Variants in ZHX3 observed in about 807,000 individuals in gnomAD.
ZHX3 encodes the protein zinc fingers and homeoboxes protein 3.
Under a neutral mutation model 64.5 loss-of-function variants are expected in ZHX3, and 20 were observed. The observed-to-expected ratio is 0.31, with a 90% CI of 0.22 to 0.45. The LOEUF (loss-of-function observed/expected upper bound fraction) is 0.45, where lower values mean the gene tolerates loss of function less well. Ranked by LOEUF, ZHX3 falls within the 20% of genes least tolerant of loss-of-function variation. The pLI is 1.00. For missense variants in ZHX3, 1,041 were observed against 1,195.8 expected, an observed-to-expected ratio of 0.87 and a Z score of 1.91; for synonymous variants, 423 against 461.6, an observed-to-expected ratio of 0.92 and a Z score of 1.07.
At chr20:41,198,074 G>A (rs1031387281) in intron 3 of ZHX3, among the ~76,000 whole-genome samples, 37 of 145,490 alleles carry the variant, frequency 2.5e-4, no homozygotes, top group Admixed American at 2.3e-3. Context: ...GTGCGATCTC[G>A]GCTCACTGCA....
At chr20:41,297,367 CA>C (rs1221369062) in intron 1 of ZHX3, among the ~76,000 whole-genome samples, 3 of 152,190 alleles carry the variant, frequency 2.0e-5, no homozygotes, top group African/African-American at 7.2e-5. Context: ...TGTGAATTGA[CA>C]AGAAGTTCTA....
rs530733694 is a variant in ZHX3, at chr20:41,309,565, T to C, written c.-245+7944A>G. Among the ~76,000 whole-genome samples the C allele has an allele frequency of 2.0e-5, 3 of 152,302 alleles. No individual in the cohort carries two copies. The East Asian group carries it at 5.8e-4, about 29-fold the overall frequency. On this transcript the variant is annotated intron_variant, in intron 1 of 3. Coordinates refer to ENST00000683867, the MANE Select transcript of ZHX3 (RefSeq NM_001384317.1). ...TTGAATTGGGATTCCTTCAGAAGTATAATGAACCTGGGCCATGGCCGACTC... is the reference window on the plus strand; with the variant it reads ...TTGAATTGGGATTCCTTCAGAAGTACAATGAACCTGGGCCATGGCCGACTC...
intron 2 of ZHX3, among the ~76,000 whole-genome samples, chr20:41,236,686 A>T (rs2041017152): frequency 6.6e-6 from 1 of 152,242 alleles, no homozygotes; most frequent in Admixed American, 6.5e-5. Flanking sequence ...AAACCTAGGC[A>T]ATACCATTCA....
chr20:41,308,709 A>G (rs972640000), intron 1 of ZHX3, among the ~76,000 whole-genome samples: 2 of 152,156 alleles, frequency 1.3e-5, no homozygotes, highest in Non-Finnish European at 2.9e-5. Context: ...CTTGTCATGG[A>G]AAGAATTTTC....
At chr20:41,278,979 G>A (rs912288845) in intron 1 of ZHX3, among the ~76,000 whole-genome samples, 11 of 152,114 alleles carry the variant, frequency 7.2e-5, no homozygotes, top group African/African-American at 2.4e-4. Flanking sequence ...GGGTTTCACC[G>A]TGCTAGCCAG....
intron 2 of ZHX3, among the ~76,000 whole-genome samples, chr20:41,214,122 G>A (rs1049640407): frequency 6.6e-6 from 1 of 152,058 alleles, no homozygotes; most frequent in African/African-American, 2.4e-5. Flanking sequence ...ATTATCATTC[G>A]AATAAATGAC....
Position 41,203,573 on chromosome 20 carries a change from T to G in ZHX3, c.1344A>C (p.Thr448=), listed in dbSNP as rs1258771510. The change falls in exon 3 of 4, where the codon ACA becomes ACC. Residue 448 remains threonine (T), a synonymous_variant. Coordinates refer to ENST00000683867, the MANE Select transcript of ZHX3 (RefSeq NM_001384317.1). The surrounding 1 kb of genome is among the most constrained non-coding windows in gnomAD (Gnocchi z 7.1). ...ATSSPLPLTV[T]SVPKQPGVAP... ...CCACACCTGGCTGCTTGGGGACGGATGTCACCGTGAGGGGGAGAGGGGAAC... is the reference window on the plus strand; with the variant it reads ...CCACACCTGGCTGCTTGGGGACGGAGGTCACCGTGAGGGGGAGAGGGGAAC... 1 of 1,614,208 alleles carries G rather than the reference T, an allele frequency of 6.2e-7. No individual in the cohort carries two copies. The highest frequency in any genetic ancestry group is 1.7e-5 in the Admixed American group (1 of 60,020).
Position 41,202,994 on chromosome 20 carries a change from T to C in ZHX3, c.1923A>G (p.Glu641=). ...TGGTTTCACTTCTCAGGCGGTCCAGTTCCTCATCAAGAGGAAGAGGGTTTT... is the reference window on the plus strand; with the variant it reads ...TGGTTTCACTTCTCAGGCGGTCCAGCTCCTCATCAAGAGGAAGAGGGTTTT... The part of the protein sequence containing the change: ...FAQNPLPLDE[E]LDRLRSETKM... The change falls in exon 3 of 4, where the codon GAA becomes GAG. Residue 641 remains glutamate (E), a synonymous_variant. Coordinates refer to ENST00000683867, the MANE Select transcript of ZHX3 (RefSeq NM_001384317.1). The surrounding 1 kb of genome is among the most constrained non-coding windows in gnomAD (Gnocchi z 7.0). The C allele has an allele frequency of 6.2e-7, 1 of 1,614,168 alleles. No individual in the cohort carries two copies.
At chr20:41,312,192 G>A (rs2045158955) in intron 1 of ZHX3, among the ~76,000 whole-genome samples, 1 of 152,042 alleles carries the variant, frequency 6.6e-6, no homozygotes, top group South Asian at 2.1e-4. Context: ...TCGGCACCCT[G>A]TAGCTAGCTA....
In ZHX3 at chr20:41,203,601, G is replaced by A. The variant is rs376878064; in HGVS notation, c.1316C>T (p.Thr439Ile). The change falls in exon 3 of 4, where the codon ACA becomes ATA. Residue 439 changes from threonine to isoleucine, a missense_variant. Thr to Ile is a moderately conservative substitution (Grantham distance 89). This residue lies in a region of ZHX3 where 649 missense variants were observed against 739.8 expected (regional missense o/e 0.88). Coordinates refer to ENST00000683867, the MANE Select transcript of ZHX3 (RefSeq NM_001384317.1). This position sits in a 1 kb window ranked among gnomAD's most constrained non-coding sequence, Gnocchi z 7.1. ...QPLMANGLQA[T>I]SSPLPLTVTS... ...CACCGTGAGGGGGAGAGGGGAACTT[G>A]TTGCTTGCAACCCATTGGCCATCAA... 3 of 1,614,118 alleles carry A rather than the reference G, an allele frequency of 1.9e-6. No homozygotes were observed. In the African/African-American group the frequency reaches 4.0e-5, roughly 22 times the overall value.
chr20:41,298,970 C>T (rs185421348), intron 1 of ZHX3, among the ~76,000 whole-genome samples: 14 of 150,416 alleles, frequency 9.3e-5, no homozygotes, highest in Admixed American at 7.2e-4. Context: ...GTGTCCCCTA[C>T]GTAAGATGAT....
Position 41,314,758 on chromosome 20 carries a change from T to C in ZHX3, c.-245+2751A>G, listed in dbSNP as rs560014282. On this transcript the variant is annotated intron_variant, in intron 1 of 3. Coordinates refer to ENST00000683867, the MANE Select transcript of ZHX3 (RefSeq NM_001384317.1). ...AAGAAATATCCTGACCTTTAAGAGA[T>C]TGTCATTTTAACTCATGACACAGCT... Among the ~76,000 whole-genome samples the C allele has an allele frequency of 1.4e-4, 21 of 152,298 alleles. No individual in the cohort carries two copies. In the South Asian group the frequency reaches 1.9e-3, roughly 14 times the overall value.
In ZHX3 at chr20:41,203,729, G is replaced by A. The variant is rs147405316; in HGVS notation, c.1188C>T (p.Val396=). The stretch of plus-strand genomic sequence containing the variant: ...GATGCTGGACATTGCCAGCACTGGC[G>A]ACGAGTGGGGTATTTAGAACCGTAA... The part of the protein sequence containing the change: ...PTITVLNTPL[V]ASAGNVQHLI... The change falls in exon 3 of 4, where the codon GTC becomes GTT. Residue 396 remains valine, a synonymous_variant. Transcript: ENST00000683867. This position sits in a 1 kb window ranked among gnomAD's most constrained non-coding sequence, Gnocchi z 7.1. 1.1e-5 allele frequency: 17 copies of A among 1,614,094 alleles called. No homozygotes were observed. Among genetic ancestry groups the A allele is most frequent in the Admixed American group, 6.7e-5 (4 of 60,006 alleles).
chr20:41,191,852 C>A (rs1374577260), intron 3 of ZHX3, among the ~76,000 whole-genome samples: 5 of 152,154 alleles, frequency 3.3e-5, no homozygotes, highest in Non-Finnish European at 5.9e-5. Context: ...GACTGGAATG[C>A]CAGGTGGGCC....
chr20:41,206,015 G>A (rs1420219755), intron 2 of ZHX3, among the ~76,000 whole-genome samples: 1 of 152,154 alleles, frequency 6.6e-6, no homozygotes, highest in Non-Finnish European at 1.5e-5. Context: ...AGCCTCCATT[G>A]GTGATACCCA....
intron 2 of ZHX3, among the ~76,000 whole-genome samples, chr20:41,243,628 C>T (rs899137388): frequency 6.6e-6 from 1 of 152,110 alleles, no homozygotes; most frequent in Non-Finnish European, 1.5e-5. Flanking sequence ...GGGCTGACTC[C>T]ACTATGTGCC....
chr20:41,276,625 C>A (rs1169302840), intron 1 of ZHX3, among the ~76,000 whole-genome samples: 4 of 152,200 alleles, frequency 2.6e-5, no homozygotes, highest in African/African-American at 9.7e-5. Context: ...AAGAGCTGAA[C>A]TCTTGAGGCG....
chr20:41,259,072 G>A (rs1295036018), intron 2 of ZHX3, among the ~76,000 whole-genome samples: 4 of 152,008 alleles, frequency 2.6e-5, no homozygotes, highest in Admixed American at 1.3e-4. Flanking sequence ...TCAGAGATTA[G>A]CACTATAGAT....
rs1238463644 is a variant in ZHX3 at position 41,204,045 on chromosome 20, G to C, written c.872C>G (p.Pro291Arg). Residue 291 changes from proline to arginine, a missense_variant, in exon 3 of 4, where the codon CCC becomes CGC. Physicochemically the swap from Pro to Arg is moderately radical, Grantham distance 103. Around this residue, in one of 4 missense-constraint regions of ZHX3, gnomAD observed 358 missense variants for 369.1 expected, o/e 0.97. Coordinates refer to ENST00000683867, the MANE Select transcript of ZHX3 (RefSeq NM_001384317.1). The surrounding 1 kb of genome is among the most constrained non-coding windows in gnomAD (Gnocchi z 6.6). Reference sequence around the variant, plus strand: ...CACTTTGGGAAGGGCCTTGGCCGTGGGCAGTGGCTGGTGGACATGGTGTTG... The same window carrying C: ...CACTTTGGGAAGGGCCTTGGCCGTGCGCAGTGGCTGGTGGACATGGTGTTG... Reference protein sequence around the residue: ...HAQHHVHQPLPTAKALPKVMI... With the variant: ...HAQHHVHQPLRTAKALPKVMI... 1.2e-6 allele frequency: 2 copies of C among 1,613,710 alleles called. No individual in the cohort carries two copies. The highest frequency in any genetic ancestry group is 1.7e-6 in the Non-Finnish European group (2 of 1,179,780).
Sources: gnomAD v4.1 joint callset for allele counts (sites outside exome capture counted in the v4.1 genomes callset) on GRCh38, gnomAD v4.1.1 for gene constraint, gnomAD v4.1.1 regional missense constraint, Gnocchi (gnomAD v3.1) non-coding constraint, MANE v1.5 for transcripts, NCBI Gene and HGNC (gene_info 2026-07-23, HGNC 2026-07-21) for gene names.